Variants in KHDRBS3 observed in about 807,000 individuals in gnomAD.
KHDRBS3 encodes the protein KH domain-containing, RNA-binding, signal transduction-associated protein 3.
Under a neutral mutation model 45.6 loss-of-function variants are expected in KHDRBS3, and 23 were observed. The ratio of observed to expected loss-of-function variants is 0.50; its 90% CI spans 0.36 to 0.72. KHDRBS3 has a LOEUF of 0.72. Ranked by LOEUF, KHDRBS3 falls within the 30% of genes least tolerant of loss-of-function variation. The pLI is 0.00. For missense variants in KHDRBS3, 352 were observed against 424.8 expected (o/e 0.83, Z 1.51); for synonymous variants, 162 against 156.5 (o/e 1.04, Z -0.26).
At chr8:135,500,503 G>A (rs1823683598) in intron 1 of KHDRBS3, among the ~76,000 whole-genome samples, 1 of 152,276 alleles carries the variant, frequency 6.6e-6, no homozygotes, top group East Asian at 1.9e-4. Context: ...GGAAGCAGAA[G>A]TTCACCTTAC....
intron 2 of KHDRBS3, among the ~76,000 whole-genome samples, chr8:135,532,963 G>C (rs1203305773): frequency 6.6e-6 from 1 of 152,148 alleles, no homozygotes; most frequent in South Asian, 2.1e-4. Context: ...GTCTGAAGTA[G>C]AATGTAAAAC....
intron 1 of KHDRBS3, among the ~76,000 whole-genome samples, chr8:135,485,870 T>TATATATATATATA (rs1554615398): frequency 9.6e-6 from 1 of 104,658 alleles, no homozygotes; most frequent in African/African-American, 5.0e-5. Flanking sequence ...ATATATATAT[T>TATATATATATATA]TTATTTTTCT....
intron 7 of KHDRBS3, chr8:135,625,420 C>T: frequency 1.3e-6 from 1 of 773,004 alleles, no homozygotes; most frequent in South Asian, 1.5e-5. Context: ...CTCATCGTGC[C>T]CATTGCGCAC....
chr8:135,457,888 G>A lies in KHDRBS3; in HGVS notation c.22G>A (p.Glu8Lys), dbSNP rs1441463170. The change falls in exon 1 of 9, where the codon GAG (glutamate) becomes AAG (lysine). Residue 8 changes from glutamate (E) to lysine (K), a missense_variant. Around this residue, in one of 6 missense-constraint regions of KHDRBS3, gnomAD observed 58 missense variants for 64.5 expected, o/e 0.90. Coordinates refer to ENST00000355849, the MANE Select transcript of KHDRBS3 (RefSeq NM_006558.3). The surrounding 1 kb of genome is among the most constrained non-coding windows in gnomAD (Gnocchi z 4.4). ...GAGCATGGAGGAGAAGTACCTGCCCGAGCTGATGGCGGAGAAGGACTCCCT... is the reference window on the plus strand; with the variant it reads ...GAGCATGGAGGAGAAGTACCTGCCCAAGCTGATGGCGGAGAAGGACTCCCT... MEEKYLP[E>K]LMAEKDSLDP... is the part of the protein sequence containing the mutation. 3 of 1,598,542 alleles carry A rather than the reference G, an allele frequency of 1.9e-6. No individual in the cohort carries two copies. Among genetic ancestry groups the A allele is most frequent in the South Asian group, 1.1e-5 (1 of 89,076 alleles).
chr8:135,570,335 A>G (rs1193397462), intron 5 of KHDRBS3, among the ~76,000 whole-genome samples: 1 of 152,220 alleles, frequency 6.6e-6, no homozygotes, highest in African/African-American at 2.4e-5. Context: ...AGAATATTAT[A>G]GATGCTAAAG....
rs909895022 is a variant in KHDRBS3 at position 135,525,602 on chromosome 8, A to T, written c.207+4247A>T. Among the ~76,000 whole-genome samples the T allele has an allele frequency of 3.9e-5, 6 of 152,330 alleles. No individual in the cohort carries two copies. In the Middle Eastern group the frequency reaches 0.01, roughly 259 times the overall value. On this transcript the variant is annotated intron_variant, in intron 2 of 8. Coordinates refer to ENST00000355849, the MANE Select transcript of KHDRBS3 (RefSeq NM_006558.3). The stretch of plus-strand genomic sequence containing the variant: ...GATATTTATAGGTGGGCAGCCTGTT[A>T]GGAATGTTCTCAGCCATACCTGCAG...
intron 1 of KHDRBS3, among the ~76,000 whole-genome samples, chr8:135,471,116 T>A (rs1821994107): frequency 6.6e-6 from 1 of 152,230 alleles, no homozygotes; most frequent in Non-Finnish European, 1.5e-5. Flanking sequence ...ACTCGTTGTA[T>A]ACTCCTTGAA....
intron 4 of KHDRBS3, among the ~76,000 whole-genome samples, chr8:135,653,426 T>C (rs1458608967): frequency 6.6e-6 from 1 of 152,198 alleles, no homozygotes; most frequent in Admixed American, 6.5e-5. Context: ...CCTACTACAA[T>C]AGTTTGACTT....
chr8:135,496,254 A>G (rs1263652298), intron 1 of KHDRBS3, among the ~76,000 whole-genome samples: 1 of 150,974 alleles, frequency 6.6e-6, no homozygotes, highest in African/African-American at 2.4e-5. Flanking sequence ...TTTTTTTGAG[A>G]CAGAGTCTTG....
At chr8:135,579,429 C>T (rs1230000629) in intron 5 of KHDRBS3, among the ~76,000 whole-genome samples, 1 of 152,142 alleles carries the variant, frequency 6.6e-6, no homozygotes, top group Non-Finnish European at 1.5e-5. Context: ...CCTCTGCCTC[C>T]CAGGTTCAAG....
intron 1 of KHDRBS3, among the ~76,000 whole-genome samples, chr8:135,473,700 A>C (rs577488680): frequency 1.8e-4 from 27 of 152,086 alleles, no homozygotes; most frequent in Non-Finnish European, 8.8e-5. Context: ...TTTTGAGTGG[A>C]GCATAGGGGC....
At chr8:135,515,923 A>C (rs2130618537) in intron 1 of KHDRBS3, among the ~76,000 whole-genome samples, 1 of 152,334 alleles carries the variant, frequency 6.6e-6, no homozygotes, top group South Asian at 2.1e-4. Context: ...TTGTTGCTTA[A>C]CCACAGGAAT....
At chr8:135,625,461 C>T (rs1830316959) in intron 7 of KHDRBS3, 6 of 775,458 alleles carry the variant, frequency 7.7e-6, no homozygotes, top group South Asian at 7.2e-5. Context: ...ACCAGGGCAG[C>T]CTTAGGAGCC....
chr8:135,596,830 G>C (rs1342655984), intron 6 of KHDRBS3, among the ~76,000 whole-genome samples: 1 of 152,128 alleles, frequency 6.6e-6, no homozygotes, highest in African/African-American at 2.4e-5. Context: ...CTGGAAGTTA[G>C]ATCAGCGAAG....
chr8:135,527,209 T>TA (rs1177394532), intron 2 of KHDRBS3, among the ~76,000 whole-genome samples: 2 of 152,204 alleles, frequency 1.3e-5, no homozygotes, highest in Admixed American at 6.5e-5. Context: ...GTCTTTGGGC[T>TA]AAAAAACTGC....
At chr8:135,600,187 A>G (rs920315163) in intron 6 of KHDRBS3, among the ~76,000 whole-genome samples, 1 of 152,120 alleles carries the variant, frequency 6.6e-6, no homozygotes, top group African/African-American at 2.4e-5. Flanking sequence ...ATCTTCCCCT[A>G]TTGTTCTCAG....
At chr8:135,567,328 G>A (rs1050023313) in intron 5 of KHDRBS3, among the ~76,000 whole-genome samples, 3 of 151,912 alleles carry the variant, frequency 2.0e-5, no homozygotes, top group Non-Finnish European at 4.4e-5. Context: ...AGCACTTCCT[G>A]AAGGCCCCAG....
intron 1 of KHDRBS3, among the ~76,000 whole-genome samples, chr8:135,485,171 A>C (rs772361734): frequency 7.1e-6 from 1 of 141,616 alleles, no homozygotes; most frequent in African/African-American, 2.7e-5. Flanking sequence ...CCCCACTACA[A>C]TATCAACTCT....
At chr8:135,510,512 G>T (rs1383058356) in intron 1 of KHDRBS3, among the ~76,000 whole-genome samples, 1 of 151,992 alleles carries the variant, frequency 6.6e-6, no homozygotes, top group Non-Finnish European at 1.5e-5. Flanking sequence ...TCAGCTCACT[G>T]CAACCTCCAC....
Sources: gnomAD v4.1 joint callset for allele counts (sites outside exome capture counted in the v4.1 genomes callset) on GRCh38, gnomAD v4.1.1 for gene constraint, gnomAD v4.1.1 regional missense constraint, Gnocchi (gnomAD v3.1) non-coding constraint, MANE v1.5 for transcripts, NCBI Gene and HGNC (gene_info 2026-07-23, HGNC 2026-07-21) for gene names.